ANAPC5: variants seen among roughly 807,000 people sequenced by gnomAD.
ANAPC5 encodes anaphase-promoting complex subunit 5.
In ANAPC5, 60 loss-of-function variants were observed where a neutral mutation model predicts 91.3. That is an observed-to-expected ratio of 0.66 (90% CI 0.53 to 0.81). The LOEUF (loss-of-function observed/expected upper bound fraction) is 0.81. Ranked by LOEUF, ANAPC5 falls within the 40% of genes least tolerant of loss-of-function variation. The pLI, the probability that ANAPC5 is intolerant of heterozygous loss-of-function variation, is 0.00. For missense variants in ANAPC5, 690 were observed against 931.5 expected (o/e 0.74, Z 3.37); for synonymous variants, 340 against 364.1 (o/e 0.93, Z 0.75).
intron 1 of ANAPC5, 142 bp downstream of exon 1, chr12:121,351,992 G>C (rs1555275426): frequency 2.6e-6 from 2 of 782,582 alleles, no homozygotes; most frequent in African/African-American, 3.5e-5. Context: ...GCTACCGGTA[G>C]TAGCTATCTT....
At chr12:121,338,979 A>G (rs1903345673) in intron 5 of ANAPC5, among the ~76,000 whole-genome samples, 1 of 151,568 alleles carries the variant, frequency 6.6e-6, no homozygotes, top group Non-Finnish European at 1.5e-5. Flanking sequence ...TCAGAATATG[A>G]TATGTAACTT....
In ANAPC5 at chr12:121,352,188, G is replaced by A; in HGVS notation, c.153C>T (p.Ala51=). Residue 51 remains alanine (A), a synonymous_variant, in exon 1 of 17, where the codon GCC becomes GCT. Coordinates refer to ENST00000261819, the MANE Select transcript of ANAPC5 (RefSeq NM_016237.5). ...GCCTCCGCCGCTCCATGAGGCTGAC[G>A]GCGCCCTCGCCTGTGCGGCTCATCT... ...LNEMSRTGEG[A]VSLMERRRLN... The A allele has an allele frequency of 6.2e-7, 1 of 1,613,308 alleles. No individual in the cohort carries two copies. Among genetic ancestry groups the A allele is most frequent in the East Asian group, 2.2e-5 (1 of 44,860 alleles).
chr12:121,343,280 C>G (rs1462539873), intron 4 of ANAPC5, among the ~76,000 whole-genome samples: 2 of 152,216 alleles, frequency 1.3e-5, no homozygotes, highest in Non-Finnish European at 2.9e-5. Context: ...AAGGATTACA[C>G]TGTAGCCTAG....
intron 13 of ANAPC5, among the ~76,000 whole-genome samples, chr12:121,319,379 C>T (rs1313302635): frequency 6.6e-6 from 1 of 151,778 alleles, no homozygotes; most frequent in Non-Finnish European, 1.5e-5. Flanking sequence ...ATTACAGGCA[C>T]CCACCACCAT....
intron 1 of ANAPC5, chr12:121,350,910 T>C (rs1315564342): frequency 3.1e-6 from 1 of 318,468 alleles, no homozygotes; most frequent in Non-Finnish European, 6.2e-6. Context: ...TAGGGGAAGG[T>C]ATATGCCATA....
At position 121,345,843 on chromosome 12, in the gene ANAPC5, C is replaced by T. The variant is rs1555274603; in HGVS notation, c.586G>A (p.Val196Ile). 6.2e-7 allele frequency: 1 copy of T among 1,612,424 alleles called. No homozygotes were observed. The highest frequency in any genetic ancestry group is 1.3e-5 in the African/African-American group (1 of 74,806). Residue 196 changes from valine (V) to isoleucine (I), a missense_variant, in exon 4 of 17, where the codon GTA (valine) becomes ATA (isoleucine). By Grantham distance (29) the Val-to-Ile change is conservative (BLOSUM62 3). Transcript: ENST00000261819. ...CTGTCAGAAAAGCCAAATTACCTTACAGATACATCAAGTTCTTCTTTTTCC... is the reference window on the plus strand; with the variant it reads ...CTGTCAGAAAAGCCAAATTACCTTATAGATACATCAAGTTCTTCTTTTTCC... ...KMEKEELDVS[V>I]REEEVSCSGP...
At position 121,347,010 on chromosome 12, in the gene ANAPC5, A is replaced by G; in HGVS notation, c.288-5T>C. On this transcript the variant is annotated splice_region_variant and splice_polypyrimidine_tract_variant and intron_variant, in intron 2 of 16. Transcript: ENST00000261819. ...CCTTCAGCCATCAGTTTGATTCTGA[A>G]TGAGAAAATCGAGGTGCATATTTTA... is the stretch of plus-strand genomic sequence containing the variant. The G allele has an allele frequency of 1.3e-6, 2 of 1,590,170 alleles. No individual in the cohort carries two copies. The highest frequency in any genetic ancestry group is 1.7e-6 in the Non-Finnish European group (2 of 1,168,708).
At chr12:121,317,024 T>C (rs1902392866) in intron 15 of ANAPC5, among the ~76,000 whole-genome samples, 2 of 152,098 alleles carry the variant, frequency 1.3e-5, no homozygotes, top group African/African-American at 2.4e-5. Flanking sequence ...TTATGCAAAC[T>C]GTTCAGAATA....
chr12:121,337,451 T>C, intron 5 of ANAPC5, 59 bp from the exon 6 acceptor site: 1 of 1,244,686 alleles, frequency 8.0e-7, no homozygotes, highest in South Asian at 1.2e-5. Context: ...TATGAAAAGA[T>C]ATACTAACTA....
chr12:121,346,639 G>A (rs1343542424), intron 3 of ANAPC5: 4 of 318,768 alleles, frequency 1.3e-5, no homozygotes, highest in Non-Finnish European at 2.3e-5. Context: ...AGAGGACTGT[G>A]AGAAAGAGCT....
intron 1 of ANAPC5, among the ~76,000 whole-genome samples, chr12:121,350,514 T>C (rs1221590102): frequency 6.6e-6 from 1 of 152,068 alleles, no homozygotes; most frequent in Non-Finnish European, 1.5e-5. Context: ...ACCCCGTCTC[T>C]ACTAAAAATA....
intron 1 of ANAPC5, among the ~76,000 whole-genome samples, chr12:121,350,000 C>T (rs1387429216): frequency 1.3e-5 from 2 of 152,040 alleles, no homozygotes; most frequent in Non-Finnish European, 2.9e-5. Flanking sequence ...TGTGATCCCA[C>T]CCGGCCTTTT....
chr12:121,316,908 G>A (rs1321806845), intron 15 of ANAPC5, among the ~76,000 whole-genome samples: 1 of 152,024 alleles, frequency 6.6e-6, no homozygotes, highest in African/African-American at 2.4e-5. Flanking sequence ...CTTCAGCCAT[G>A]AAAAACAATG....
chr12:121,329,519 A>T (rs1312962736), intron 9 of ANAPC5, among the ~76,000 whole-genome samples: 3 of 152,020 alleles, frequency 2.0e-5, no homozygotes, highest in Admixed American at 1.3e-4. Context: ...TCTGTCACAA[A>T]CTTCATAAGA....
At chr12:121,336,798 G>T (rs1411839088) in intron 6 of ANAPC5, among the ~76,000 whole-genome samples, 1 of 152,146 alleles carries the variant, frequency 6.6e-6, no homozygotes, top group African/African-American at 2.4e-5. Context: ...AGAAGAAATC[G>T]CCTATGGCCC....
intron 1 of ANAPC5, among the ~76,000 whole-genome samples, chr12:121,349,916 G>A (rs1422367111): frequency 1.3e-5 from 2 of 151,612 alleles, no homozygotes; most frequent in Admixed American, 1.3e-4. Context: ...TCACTGTGTT[G>A]GCCAGGCTGG....
At chr12:121,352,089 A>G in intron 1 of ANAPC5, 45 bp downstream of exon 1, 1 of 1,552,722 alleles carries the variant, frequency 6.4e-7, no homozygotes, top group Non-Finnish European at 8.7e-7. Context: ...GCAGATGCTC[A>G]GTAAAAGTTT....
intron 5 of ANAPC5, 104 bp downstream of exon 5, chr12:121,341,899 C>A: frequency 1.2e-6 from 1 of 818,750 alleles, no homozygotes; most frequent in East Asian, 2.8e-5. Context: ...GACTGACCAA[C>A]AAACCTATGC....
intron 13 of ANAPC5, among the ~76,000 whole-genome samples, chr12:121,318,895 C>A (rs1902480964): frequency 6.6e-6 from 1 of 152,064 alleles, no homozygotes; most frequent in South Asian, 2.1e-4. Flanking sequence ...TGGTGGGCAC[C>A]TGTAATCCCA....
Sources: allele counts gnomAD v4.1 joint callset (sites outside exome capture counted in the v4.1 genomes callset), GRCh38; gene constraint gnomAD v4.1.1; transcripts MANE v1.5; gene names NCBI Gene and HGNC (gene_info 2026-07-23, HGNC 2026-07-21).